Variants in PNPLA1 observed in about 807,000 individuals in gnomAD.
PNPLA1 encodes patatin like domain 1, omega-hydroxyceramide transacylase.
A neutral mutation model predicts 51.7 loss-of-function variants in PNPLA1; 36 were observed. The observed-to-expected ratio is 0.70, with a 90% CI of 0.53 to 0.92. PNPLA1 has a LOEUF of 0.92. Ranked by LOEUF, PNPLA1 falls within the 40% of genes least tolerant of loss-of-function variation. The probability of loss-of-function intolerance (pLI) is 0.00; values close to 1 mark genes in which losing one functional copy is unlikely to be tolerated. For missense variants in PNPLA1, 658 were observed against 682.5 expected, an observed-to-expected ratio of 0.96 and a Z score of 0.40; for synonymous variants, 293 against 280.1, an observed-to-expected ratio of 1.05 and a Z score of -0.46.
intron 1 of PNPLA1, among the ~76,000 whole-genome samples, chr6:36,274,808 A>ATGTACTTAT (rs1770040815): frequency 6.6e-6 from 1 of 152,148 alleles, no homozygotes; most frequent in Admixed American, 6.5e-5. Context: ...CAGCATCCCC[A>ATGTACTTAT]TGTACTTATT....
rs906320572 is a variant in PNPLA1, at chr6:36,271,997, G to A, written c.205+1333G>A. On this transcript the variant is annotated intron_variant, in intron 1 of 8. Transcript: ENST00000636260. ...AGTTCCCGGCATTGTTACAGCAGCG[G>A]TCTCCAGTTGACACCAGCGACTGGT... Among the ~76,000 whole-genome samples, 7 of 152,330 alleles carry A rather than the reference G, an allele frequency of 4.6e-5. No individual in the cohort carries two copies. The South Asian group carries it at 1.2e-3, about 27-fold the overall frequency.
At chr6:36,290,059 C>T (rs951350676) in intron 1 of PNPLA1, among the ~76,000 whole-genome samples, 2 of 152,312 alleles carry the variant, frequency 1.3e-5, no homozygotes, top group Middle Eastern at 3.4e-3. Context: ...CCTTAGCACT[C>T]ATGCAGGAAT....
chr6:36,306,327 G>C lies in PNPLA1; in HGVS notation c.1420G>C (p.Ala474Pro). ...ALLVSSKPKS[A>P]VPLVHVKETV... ...TCTTGTCTCTTCAAAACCAAAAAGC[G>C]CCGTGCCTCTGGTTCATGTGAAGGA... The change falls in exon 7 of 9, where the codon GCC becomes CCC. Residue 474 changes from alanine to proline, a missense_variant. By Grantham distance (27) the Ala-to-Pro change is conservative. Coordinates refer to ENST00000636260, the MANE Select transcript of PNPLA1 (RefSeq NM_001374623.1). The C allele has an allele frequency of 6.2e-7, 1 of 1,612,566 alleles. No homozygotes were observed. The highest frequency in any genetic ancestry group is 1.1e-5 in the South Asian group (1 of 90,874).
At chr6:36,300,256 G>T (rs1770997403) in intron 5 of PNPLA1, among the ~76,000 whole-genome samples, 1 of 150,356 alleles carries the variant, frequency 6.7e-6, no homozygotes, top group Non-Finnish European at 1.5e-5. Context: ...GTGCAGTGGT[G>T]CAATCTTGGC....
chr6:36,278,819 T>C (rs1301218604), intron 1 of PNPLA1, among the ~76,000 whole-genome samples: 5 of 152,228 alleles, frequency 3.3e-5, no homozygotes, highest in Non-Finnish European at 5.9e-5. Flanking sequence ...TCATTCTAGG[T>C]CCTGGGGATC....
intron 6 of PNPLA1, among the ~76,000 whole-genome samples, chr6:36,304,629 G>GAA (rs539155104): frequency 1.8e-4 from 13 of 71,910 alleles, no homozygotes; most frequent in East Asian, 9.9e-4. Context: ...TCCGTCTCAG[G>GAA]AAAAAAAAAA....
At chr6:36,269,329 C>T (rs529096538), upstream of PNPLA1, among the ~76,000 whole-genome samples, 221 of 152,246 alleles carry the variant, frequency 1.5e-3, 2 homozygotes, top group African/African-American at 5.0e-3. Flanking sequence ...GAGAACCACT[C>T]CTCCCCATCA....
intron 1 of PNPLA1, among the ~76,000 whole-genome samples, chr6:36,276,903 G>A (rs1342217402): frequency 2.0e-5 from 3 of 152,188 alleles, no homozygotes. Context: ...CAAACTTAAA[G>A]GCACCTACCA....
chr6:36,300,178 T>TGTGTGAGAGAGAGAGAGA, intron 5 of PNPLA1, among the ~76,000 whole-genome samples: 6 of 98,088 alleles, frequency 6.1e-5, no homozygotes, highest in East Asian at 2.8e-4. Flanking sequence ...TGTGTGTGTG[T>TGTGTGAGAGAGAGAGAGA]GAGAGAGAGA....
Position 36,313,385 on chromosome 6 carries a change from G to A in PNPLA1, c.*1499G>A, listed in dbSNP as rs1174475550. Reference sequence around the variant, plus strand: ...AGCCCCAGCTGCCCACAGGCCTCAGGTACATTTGCTTACCAAATCCTGAAA... The same window carrying A: ...AGCCCCAGCTGCCCACAGGCCTCAGATACATTTGCTTACCAAATCCTGAAA... On this transcript the variant is annotated 3_prime_UTR_variant, in exon 9 of 9. Transcript: ENST00000636260. Among the ~76,000 whole-genome samples, 1 of 152,146 alleles carries A rather than the reference G, an allele frequency of 6.6e-6. No individual in the cohort carries two copies. The highest frequency in any genetic ancestry group is 1.5e-5 in the Non-Finnish European group (1 of 68,028).
At chr6:36,252,208 G>A (rs556018370) in intron 1 of PNPLA1, among the ~76,000 whole-genome samples, 1 of 152,250 alleles carries the variant, frequency 6.6e-6, no homozygotes, top group Admixed American at 6.5e-5. Flanking sequence ...TGCAGCTCAG[G>A]CATGGACACA....
chr6:36,281,888 G>T (rs1171814329), intron 1 of PNPLA1, among the ~76,000 whole-genome samples: 3 of 151,738 alleles, frequency 2.0e-5, no homozygotes, highest in African/African-American at 4.9e-5. Flanking sequence ...GGGCATGGTG[G>T]TAGGCATCTG....
At chr6:36,301,661 G>A (rs191977250) in intron 5 of PNPLA1, among the ~76,000 whole-genome samples, 200 bp from the exon 6 acceptor site, 2 of 152,192 alleles carry the variant, frequency 1.3e-5, no homozygotes, top group East Asian at 1.9e-4. Flanking sequence ...AATTTGGGTG[G>A]GCAACGCCTG....
At chr6:36,310,195 T>C (rs1771357600) in intron 8 of PNPLA1, among the ~76,000 whole-genome samples, 1 of 152,196 alleles carries the variant, frequency 6.6e-6, no homozygotes, top group Non-Finnish European at 1.5e-5. Context: ...GATAGCTCTA[T>C]TTAGGCTGCA....
chr6:36,291,579 G>C, intron 2 of PNPLA1, 27 bp downstream of exon 2: 9 of 103,640 alleles, frequency 8.7e-5, no homozygotes, highest in Admixed American at 1.8e-4. Flanking sequence ...GGGAGGGAGG[G>C]ACACGGAGGG....
At chr6:36,249,836 A>G (rs1269325996) in intron 1 of PNPLA1, among the ~76,000 whole-genome samples, 1 of 152,190 alleles carries the variant, frequency 6.6e-6, no homozygotes, top group East Asian at 1.9e-4. Flanking sequence ...ACAGAGATTG[A>G]TATTACCTCT....
Position 36,263,534 on chromosome 6 carries a change from G to T in PNPLA1, c.-81+20273G>T, listed in dbSNP as rs181185825. 2.5e-4 allele frequency among the ~76,000 whole-genome samples: 38 copies of T among 152,302 alleles called. 1 individual carries two copies. The East Asian group carries it at 5.4e-3, about 22-fold the overall frequency. Reference sequence around the variant, plus strand: ...CGTTTTAAATCTGGTAATAAGAGAAGTGACGTGATTAGGACTCTTATAAAC... The same window carrying T: ...CGTTTTAAATCTGGTAATAAGAGAATTGACGTGATTAGGACTCTTATAAAC... On this transcript the variant is annotated intron_variant, in intron 1 of 7. Transcript: ENST00000312917.
At chr6:36,285,234 C>G (rs1327659643) in intron 1 of PNPLA1, among the ~76,000 whole-genome samples, 1 of 152,200 alleles carries the variant, frequency 6.6e-6, no homozygotes, top group African/African-American at 2.4e-5. Flanking sequence ...GTCGGCGCCT[C>G]CCCAGGGGCT....
rs551638638 is a variant in PNPLA1 at position 36,299,699 on chromosome 6, G to A, written c.776-2162G>A. On this transcript the variant is annotated intron_variant, in intron 5 of 8. Transcript: ENST00000636260. ...TTAGCCCTTCTAACAGGTGCATGTC[G>A]GTAACTTATTGTGGTTTTAATCAGT... is the stretch of plus-strand genomic sequence containing the variant. Among the ~76,000 whole-genome samples the A allele has an allele frequency of 3.3e-5, 5 of 152,204 alleles. No individual in the cohort carries two copies. In the East Asian group the frequency reaches 7.7e-4, roughly 23 times the overall value.
Sources: gnomAD v4.1 joint callset for allele counts (sites outside exome capture counted in the v4.1 genomes callset) on GRCh38, gnomAD v4.1.1 for gene constraint, MANE v1.5 for transcripts, NCBI Gene and HGNC (gene_info 2026-07-23, HGNC 2026-07-21) for gene names.